The following KCNN3 variants were observed in gnomAD, a reference collection of about 807,000 sequenced individuals.
KCNN3 encodes the protein small conductance calcium-activated potassium channel protein 3.
In KCNN3, 16 loss-of-function variants were observed where a neutral mutation model predicts 62.9. The ratio of observed to expected loss-of-function variants is 0.25; its 90% confidence interval spans 0.17 to 0.39. The LOEUF (loss-of-function observed/expected upper bound fraction) is 0.39. Among genes scored for constraint, KCNN3 ranks in the 10% least tolerant of loss-of-function variants. The pLI, the probability that KCNN3 is intolerant of heterozygous loss-of-function variation, is 1.00. For missense variants in KCNN3, 599 were observed against 949.4 expected (o/e 0.63, Z 4.85); for synonymous variants, 370 against 389.2 (o/e 0.95, Z 0.58).
chr1:154,770,836 C>T (rs1380026143), intron 3 of KCNN3, among the ~76,000 whole-genome samples: 1 of 152,136 alleles, frequency 6.6e-6, no homozygotes, highest in Non-Finnish European at 1.5e-5. Flanking sequence ...GTAGGAGGAT[C>T]ACTTGAAGCC....
At chr1:154,766,655 C>A (rs1434561094) in intron 3 of KCNN3, among the ~76,000 whole-genome samples, 1 of 148,596 alleles carries the variant, frequency 6.7e-6, no homozygotes, top group Admixed American at 6.6e-5. Flanking sequence ...CTGTAATGAC[C>A]ACTTTCCTAC....
intron 5 of KCNN3, among the ~76,000 whole-genome samples, chr1:154,719,603 G>T (rs565317063): frequency 6.6e-6 from 1 of 152,258 alleles, no homozygotes; most frequent in East Asian, 1.9e-4. Flanking sequence ...GAGTTACACA[G>T]GTTGAAATTA....
At chr1:154,849,459 TGCTTCCCATCCG>T (rs1157282221) in intron 1 of KCNN3, among the ~76,000 whole-genome samples, 4 of 152,220 alleles carry the variant, frequency 2.6e-5, no homozygotes, top group Non-Finnish European at 5.9e-5. Context: ...TGACTAAGCA[TGCTTCCCATCCG>T]GGTTCCCACT....
intron 2 of KCNN3, among the ~76,000 whole-genome samples, chr1:154,777,857 C>T (rs769618378): frequency 1.4e-4 from 21 of 152,306 alleles, no homozygotes; most frequent in South Asian, 2.1e-4. Context: ...CAGGAGAAGC[C>T]ACAGAGGCCC....
intron 2 of KCNN3, among the ~76,000 whole-genome samples, chr1:154,792,266 A>G (rs558850650): frequency 2.0e-5 from 3 of 152,226 alleles, no homozygotes; most frequent in Non-Finnish European, 4.4e-5. Context: ...CAACCATCCC[A>G]GATCCTCCTC....
intron 3 of KCNN3, among the ~76,000 whole-genome samples, chr1:154,736,069 G>T (rs188080252): frequency 1.3e-5 from 2 of 152,346 alleles, no homozygotes; most frequent in Non-Finnish European, 2.9e-5. Flanking sequence ...GAGTTGAGCT[G>T]AGCCAGTGAT....
intron 2 of KCNN3, among the ~76,000 whole-genome samples, chr1:154,780,879 A>G (rs1449995254): frequency 1.3e-5 from 2 of 152,176 alleles, no homozygotes; most frequent in Admixed American, 1.3e-4. Flanking sequence ...TGGCTCTAAA[A>G]GAGGCCAGCC....
chr1:154,713,837 A>AT (rs148099531), intron 6 of KCNN3, among the ~76,000 whole-genome samples: 8,696 of 151,720 alleles, frequency 0.057, 261 homozygotes, highest in African/African-American at 0.086. Flanking sequence ...CTTTTCAGGG[A>AT]TTCCCCAAAC....
rs1381477583 is a variant in KCNN3, at chr1:154,702,112, CT to C, written c.*5863del. The C allele has an allele frequency of 2.0e-5, 3 of 151,940 alleles. No homozygotes were observed. Among genetic ancestry groups the C allele is most frequent in the Non-Finnish European group, 4.4e-5 (3 of 68,012 alleles). 9.4% of individuals were successfully genotyped at this position (151,940 alleles called of 1,614,324 possible). A position where few individuals can be genotyped will look rare whatever the true frequency, so the allele number is the denominator to read the frequency against. The stretch of plus-strand genomic sequence containing the variant: ...ATTCCTCTACTCTTGGAATAATGTT[CT>C]TTTGTCTCTAATACCCAGGCCTTGG... On this transcript the variant is annotated 3_prime_UTR_variant, in exon 8 of 8. Coordinates refer to ENST00000271915, the MANE Select transcript of KCNN3 (RefSeq NM_002249.6).
intron 2 of KCNN3, among the ~76,000 whole-genome samples, chr1:154,814,650 C>T (rs938374222): frequency 3.9e-5 from 6 of 152,186 alleles, no homozygotes; most frequent in Non-Finnish European, 5.9e-5. Context: ...ATACAAAGCG[C>T]TAGACAAGAT....
At chr1:154,744,333 AG>A (rs1160582424) in intron 3 of KCNN3, among the ~76,000 whole-genome samples, 2 of 152,254 alleles carry the variant, frequency 1.3e-5, no homozygotes, top group Non-Finnish European at 2.9e-5. Context: ...ATCAGTGCAA[AG>A]CTCCAGTGCG....
chr1:154,834,986 C>G (rs1651529912), intron 1 of KCNN3, among the ~76,000 whole-genome samples: 1 of 152,228 alleles, frequency 6.6e-6, no homozygotes, highest in Non-Finnish European at 1.5e-5. Context: ...CCCCAGAACT[C>G]CCGGTCCTGA....
chr1:154,825,920 C>T (rs1192801337), intron 1 of KCNN3, among the ~76,000 whole-genome samples: 3 of 151,558 alleles, frequency 2.0e-5, no homozygotes, highest in East Asian at 3.9e-4. Context: ...TGGTGGCAGG[C>T]GCCTGTAGTC....
chr1:154,788,150 C>T lies in KCNN3; in HGVS notation c.1030-15757G>A, dbSNP rs111299353. Among the ~76,000 whole-genome samples, 12 of 152,302 alleles carry T rather than the reference C, an allele frequency of 7.9e-5. 3 individuals are homozygous for T. The highest frequency in any genetic ancestry group is 2.9e-4 in the African/African-American group (12 of 41,564). On this transcript the variant is annotated intron_variant, in intron 2 of 7. Transcript: ENST00000271915. ...TTCTGACTGTCTGGGATATGAATGA[C>T]AGGAGCAGCAGCAGCTGCATTTTCT...
intron 1 of KCNN3, 132 bp from the exon 2 acceptor site, chr1:154,822,316 G>A: frequency 2.7e-6 from 2 of 738,266 alleles, no homozygotes; most frequent in Admixed American, 2.0e-5. Context: ...AGGAGCAGGT[G>A]TAGCACAAAG....
intron 3 of KCNN3, among the ~76,000 whole-genome samples, chr1:154,755,508 A>G (rs1424239629): frequency 7.9e-5 from 2 of 25,418 alleles, no homozygotes; most frequent in Admixed American, 4.1e-4. Context: ...AGAAAGGAAG[A>G]AAGAAAGAAA....
rs1007916784 is a variant in KCNN3, at chr1:154,699,168, C to T, written c.*8808G>A. On this transcript the variant is annotated 3_prime_UTR_variant, in exon 8 of 8. Coordinates refer to ENST00000271915, the MANE Select transcript of KCNN3 (RefSeq NM_002249.6). ...AAGTTTACCGTAACTCCATTCAAAA[C>T]CTTCAGGCACTTGACTTTTTTTTTT... 6.7e-6 allele frequency: 1 copy of T among 149,668 alleles called. No homozygotes were observed. The highest frequency in any genetic ancestry group is 1.5e-5 in the Non-Finnish European group (1 of 67,728). 9.3% of individuals were successfully genotyped at this position (149,668 alleles called of 1,614,324 possible).
chr1:154,864,469 A>G (rs907551136), intron 1 of KCNN3, among the ~76,000 whole-genome samples: 1 of 152,256 alleles, frequency 6.6e-6, no homozygotes, highest in Admixed American at 6.5e-5. Context: ...CTACTCAATC[A>G]TTTGGTCTAG....
chr1:154,737,111 G>C (rs1700727285), intron 3 of KCNN3: 2 of 672,662 alleles, frequency 3.0e-6, no homozygotes, highest in Middle Eastern at 2.4e-4. Flanking sequence ...AGAGGAGGGA[G>C]AAAAGGTTTC....
Sources: gnomAD v4.1 joint callset for allele counts (sites outside exome capture counted in the v4.1 genomes callset) on GRCh38, gnomAD v4.1.1 for gene constraint, MANE v1.5 for transcripts, NCBI Gene and HGNC (gene_info 2026-07-23, HGNC 2026-07-21) for gene names.